ACCSL: variants seen among roughly 807,000 people sequenced by gnomAD.
ACCSL encodes 1-aminocyclopropane-1-carboxylate synthase homolog (inactive) like.
In ACCSL, 55 loss-of-function variants were observed where a neutral mutation model predicts 61.7. That is an observed-to-expected ratio of 0.89 (90% confidence interval 0.72 to 1.12). The LOEUF (loss-of-function observed/expected upper bound fraction) is 1.12, where lower values mean the gene tolerates loss of function less well. ACCSL is among the 50% of genes most tolerant of loss of function. The probability of loss-of-function intolerance (pLI) is 0.00; values close to 1 mark genes in which losing one functional copy is unlikely to be tolerated. For missense variants in ACCSL, 632 were observed against 698.0 expected, an observed-to-expected ratio of 0.91 and a Z score of 1.07; for synonymous variants, 258 against 264.3, an observed-to-expected ratio of 0.98 and a Z score of 0.23.
chr11:43,971,814 T>C, the ACCSL span, among the ~76,000 whole-genome samples: 1 of 152,138 alleles, frequency 6.6e-6, no homozygotes, highest in Non-Finnish European at 1.5e-5. Context: ...CTGTGCTGCC[T>C]TCCACCAATC....
chr11:43,921,584 T>A, the ACCSL span, among the ~76,000 whole-genome samples: 1 of 152,210 alleles, frequency 6.6e-6, no homozygotes, highest in Non-Finnish European at 1.5e-5. Context: ...GTTTGATGCA[T>A]GACACTAGGA....
chr11:43,942,833 G>C, the ACCSL span: 10 of 1,115,676 alleles, frequency 9.0e-6, no homozygotes, highest in African/African-American at 1.7e-5. Flanking sequence ...CTCCCGGGGG[G>C]CCCCGGCGCA....
chr11:43,940,667 T>C, the ACCSL span, among the ~76,000 whole-genome samples: 4 of 152,194 alleles, frequency 2.6e-5, no homozygotes, highest in Admixed American at 2.6e-4. Context: ...GCTGAAATTC[T>C]AACTTTGTAA....
At chr11:44,045,547 T>TG (rs1952592885), upstream of ACCSL, among the ~76,000 whole-genome samples, 1 of 152,194 alleles carries the variant, frequency 6.6e-6, no homozygotes, top group Admixed American at 6.5e-5. Flanking sequence ...AAATCTGCCC[T>TG]GGGGGGTTCT....
chr11:44,037,501 C>T, the ACCSL span, among the ~76,000 whole-genome samples: 7 of 152,226 alleles, frequency 4.6e-5, no homozygotes, highest in Non-Finnish European at 1.5e-5. Flanking sequence ...TCTGAGTCTG[C>T]AGTGCTGGCT....
At chr11:44,027,420 C>G in the ACCSL span, among the ~76,000 whole-genome samples, 1 of 152,176 alleles carries the variant, frequency 6.6e-6, no homozygotes, top group Non-Finnish European at 1.5e-5. Flanking sequence ...AATCTTGGAG[C>G]CTCAGCTTTC....
At chr11:43,936,815 G>A in the ACCSL span, among the ~76,000 whole-genome samples, 119 of 151,328 alleles carry the variant, frequency 7.9e-4, 1 homozygote, top group East Asian at 0.012. Context: ...GGGAGGGTGG[G>A]TGGTAAGCCC....
chr11:43,924,255 G>T, the ACCSL span, among the ~76,000 whole-genome samples: 1 of 152,274 alleles, frequency 6.6e-6, no homozygotes, highest in Non-Finnish European at 1.5e-5. Flanking sequence ...GGTGTCCGCA[G>T]TGGTCTGGGA....
intron 8 of ACCSL, among the ~76,000 whole-genome samples, chr11:44,054,930 A>G (rs968654373): frequency 1.2e-4 from 19 of 152,100 alleles, no homozygotes; most frequent in African/African-American, 4.6e-4. Flanking sequence ...AGGTTAGACA[A>G]GATGTTCTCA....
At chr11:43,944,018 G>A in the ACCSL span, 1 of 498,052 alleles carries the variant, frequency 2.0e-6, no homozygotes, top group Non-Finnish European at 3.2e-6. Context: ...TTCGGTCACC[G>A]GAACGAGGTT....
rs1952664890 is a variant in ACCSL, at chr11:44,055,316, G to A, written c.1139+25G>A. ...GGTGAGCTGGTCTCAGCTGGAGTTG[G>A]GAACGAGAACCACAAGGTTCTTGTT... On this transcript the variant is annotated intron_variant, in intron 9 of 13. Coordinates refer to ENST00000378832, the MANE Select transcript of ACCSL (RefSeq NM_001031854.2). The A allele has an allele frequency of 8.2e-6, 13 of 1,589,916 alleles. No individual in the cohort carries two copies. In the East Asian group the frequency reaches 2.7e-4, roughly 33 times the overall value.
chr11:44,058,232 GC>G, intron 11 of ACCSL, 84 bp from the exon 12 acceptor site: 1 of 1,455,738 alleles, frequency 6.9e-7, no homozygotes, highest in Non-Finnish European at 9.5e-7. Flanking sequence ...CTTGCATGAA[GC>G]CCAGGAAGGG....
At chr11:44,053,562 T>C in intron 8 of ACCSL, 56 bp downstream of exon 8, 1 of 1,516,602 alleles carries the variant, frequency 6.6e-7, no homozygotes, top group Non-Finnish European at 9.1e-7. Context: ...TTCCCATCAC[T>C]TATAGTCAAG....
At chr11:43,981,861 C>G in the ACCSL span, among the ~76,000 whole-genome samples, 1 of 152,210 alleles carries the variant, frequency 6.6e-6, no homozygotes, top group Admixed American at 6.5e-5. Context: ...TCTCCCCGCC[C>G]AGGGCAACTT....
chr11:44,016,148 G>A, the ACCSL span, among the ~76,000 whole-genome samples: 1 of 152,098 alleles, frequency 6.6e-6, no homozygotes, highest in Non-Finnish European at 1.5e-5. Context: ...CCTTGATAAA[G>A]CCAGGCCTGG....
the ACCSL span, among the ~76,000 whole-genome samples, chr11:43,997,452 G>A: frequency 6.6e-6 from 1 of 152,060 alleles, no homozygotes; most frequent in African/African-American, 2.4e-5. Context: ...CAGCTTTCTG[G>A]GTCTGCTAAG....
At chr11:44,035,989 C>T in the ACCSL span, among the ~76,000 whole-genome samples, 798 of 151,152 alleles carry the variant, frequency 5.3e-3, 11 homozygotes, top group Admixed American at 0.01. Context: ...GTTGAAGTTC[C>T]GAGGGGGCTG....
chr11:43,947,351 G>C, the ACCSL span: 1 of 152,416 alleles, frequency 6.6e-6, no homozygotes, highest in African/African-American at 2.4e-5. Context: ...GAAATTTGGA[G>C]GGGACAAACA....
the ACCSL span, among the ~76,000 whole-genome samples, chr11:44,000,691 C>T: frequency 2.8e-5 from 4 of 142,778 alleles, no homozygotes; most frequent in East Asian, 6.1e-4. Context: ...CCTCTGCACT[C>T]CAGCCTGTGT....
Sources: gnomAD v4.1 joint callset for allele counts (sites outside exome capture counted in the v4.1 genomes callset) on GRCh38, gnomAD v4.1.1 for gene constraint, MANE v1.5 for transcripts, NCBI Gene and HGNC (gene_info 2026-07-23, HGNC 2026-07-21) for gene names.